Variants in GGACT observed in about 807,000 individuals in gnomAD.
GGACT encodes gamma-glutamylaminecyclotransferase.
For synonymous variants in GGACT, 118 were observed against 115.3 expected, an observed-to-expected ratio of 1.02 and a Z score of -0.15; for missense variants, 241 against 233.2, an observed-to-expected ratio of 1.03 and a Z score of -0.22.
At chr13:100,575,195 A>G (rs1187772446) in intron 2 of GGACT, among the ~76,000 whole-genome samples, 1 of 152,164 alleles carries the variant, frequency 6.6e-6, no homozygotes, top group East Asian at 1.9e-4. Context: ...ACTACCACCA[A>G]CTGAGAGCCT....
chr13:100,576,740 T>C (rs1262738098), intron 2 of GGACT, among the ~76,000 whole-genome samples: 1 of 152,110 alleles, frequency 6.6e-6, no homozygotes, highest in African/African-American at 2.4e-5. Flanking sequence ...ATCAAAGCTG[T>C]CAGGGTTTGA....
chr13:100,540,619 T>C (rs1475603513), intron 2 of GGACT, among the ~76,000 whole-genome samples: 1 of 152,256 alleles, frequency 6.6e-6, no homozygotes, highest in Non-Finnish European at 1.5e-5. Flanking sequence ...TCTCTTTTTG[T>C]TTATCTCTGC....
intron 2 of GGACT, chr13:100,539,850 T>G: frequency 1.4e-6 from 1 of 717,244 alleles, no homozygotes; most frequent in Non-Finnish European, 2.3e-6. Context: ...AATTTCCATT[T>G]TATTTTTCTC....
intron 2 of GGACT, among the ~76,000 whole-genome samples, chr13:100,535,006 A>C (rs1335532860): frequency 6.6e-6 from 1 of 152,024 alleles, no homozygotes; most frequent in Non-Finnish European, 1.5e-5. Context: ...TCTCTAAATC[A>C]CTGGTCTTGT....
rs150442448 is a variant in GGACT, at chr13:100,530,597, C to CTGAT, written c.*1529_*1532dup. 0.015 allele frequency: 4,495 copies of CTGAT among 294,768 alleles called. 198 individuals are homozygous for CTGAT. The highest frequency in any genetic ancestry group is 0.092 in the African/African-American group (4,154 of 45,060). The allele number at this position is 294,768 out of a possible 1,614,324, so 18.3% of individuals were successfully genotyped here. A position where few individuals can be genotyped will look rare whatever the true frequency, so the allele number is the denominator to read the frequency against. ...AAATTAGCACTTGCCATTTTTTCATCTGATTGCCTTACTACTTCTAGAAGT... is the reference window on the plus strand; with the variant it reads ...AAATTAGCACTTGCCATTTTTTCATCTGATTGATTGCCTTACTACTTCTAGAAGT... On this transcript the variant is annotated 3_prime_UTR_variant, in exon 3 of 3. Transcript: ENST00000683975.
chr13:100,588,401 G>A (rs1004001451), intron 1 of GGACT, among the ~76,000 whole-genome samples: 3 of 152,232 alleles, frequency 2.0e-5, no homozygotes, highest in African/African-American at 7.2e-5. Context: ...GAAAGCCAGC[G>A]TGTGGGCTGT....
chr13:100,573,050 T>C (rs905395742), intron 2 of GGACT, among the ~76,000 whole-genome samples: 1 of 152,134 alleles, frequency 6.6e-6, no homozygotes, highest in African/African-American at 2.4e-5. Context: ...GAATATGAAA[T>C]CTACACTTCA....
intron 2 of GGACT, among the ~76,000 whole-genome samples, chr13:100,568,786 A>G (rs1256863535): frequency 6.6e-6 from 1 of 152,244 alleles, no homozygotes; most frequent in Non-Finnish European, 1.5e-5. Flanking sequence ...CCATGAGCCC[A>G]CAAAATCAAA....
chr13:100,553,801 G>A lies in GGACT; in HGVS notation c.-10-21200C>T, dbSNP rs563056321. Reference sequence around the variant, plus strand: ...AGAGGTTGCAGTGAGCCAAGATCGCGCCACTGCACTCCAGCGGGGGTGACG... The same window carrying A: ...AGAGGTTGCAGTGAGCCAAGATCGCACCACTGCACTCCAGCGGGGGTGACG... On this transcript the variant is annotated intron_variant, in intron 2 of 2. Coordinates refer to ENST00000683975, the MANE Select transcript of GGACT (RefSeq NM_001195087.2). Among the ~76,000 whole-genome samples the A allele has an allele frequency of 1.5e-4, 21 of 141,012 alleles. No individual in the cohort carries two copies. In the South Asian group the frequency reaches 2.5e-3, roughly 17 times the overall value. The allele number at this position is 141,012 out of a possible 152,430, so 92.5% of individuals were successfully genotyped here.
intron 2 of GGACT, among the ~76,000 whole-genome samples, chr13:100,574,462 G>C (rs998657358): frequency 5.3e-5 from 8 of 152,156 alleles, no homozygotes; most frequent in African/African-American, 1.9e-4. Context: ...TGTAGTTCTA[G>C]CTACTCAAGA....
intron 1 of GGACT, among the ~76,000 whole-genome samples, chr13:100,584,441 T>G (rs1411598645): frequency 6.6e-6 from 1 of 151,830 alleles, no homozygotes; most frequent in Non-Finnish European, 1.5e-5. Context: ...TTGAACTGAC[T>G]GAGATAGAGA....
At chr13:100,550,299 T>TACACACACACACACAC (rs755235689) in intron 2 of GGACT, among the ~76,000 whole-genome samples, 1 of 27,268 alleles carries the variant, frequency 3.7e-5, no homozygotes, top group East Asian at 1.6e-3. Flanking sequence ...GATTATACTC[T>TACACACACACACACAC]ACACACACAC....
chr13:100,559,142 C>CA (rs1018169320), intron 2 of GGACT, among the ~76,000 whole-genome samples: 1 of 151,974 alleles, frequency 6.6e-6, no homozygotes, highest in Non-Finnish European at 1.5e-5. Context: ...CACAACATCC[C>CA]AAAAAACCAC....
chr13:100,543,265 TG>T (rs2088571975), intron 2 of GGACT, among the ~76,000 whole-genome samples: 2 of 130,544 alleles, frequency 1.5e-5, no homozygotes, highest in East Asian at 5.3e-4. Context: ...TGGAGTGCAG[TG>T]GCGCGATCTC....
chr13:100,541,307 T>G (rs2088552336), intron 2 of GGACT, among the ~76,000 whole-genome samples: 2 of 151,122 alleles, frequency 1.3e-5, no homozygotes, highest in South Asian at 4.1e-4. Context: ...CAATCCACTG[T>G]GCCATAACAG....
intron 2 of GGACT, among the ~76,000 whole-genome samples, chr13:100,575,706 G>C (rs1875228870): frequency 1.3e-5 from 2 of 152,188 alleles, no homozygotes. Flanking sequence ...CGAGGCTGCT[G>C]TGAGCTGTGA....
At chr13:100,585,820 A>C (rs12560566) in intron 1 of GGACT, among the ~76,000 whole-genome samples, 3 of 76,468 alleles carry the variant, frequency 3.9e-5, no homozygotes, top group African/African-American at 1.6e-4. Context: ...ACCTGTCTCC[A>C]CCAAAAAAAA....
At chr13:100,535,580 T>C (rs1443409426) in intron 2 of GGACT, among the ~76,000 whole-genome samples, 1 of 152,202 alleles carries the variant, frequency 6.6e-6, no homozygotes, top group Non-Finnish European at 1.5e-5. Flanking sequence ...CGTGTGCCGC[T>C]GCTGTCATCA....
At position 100,532,379 on chromosome 13, in the gene GGACT, G is replaced by A. The variant is rs1020427697; in HGVS notation, c.213C>T (p.Asp71=). ...RLVEGEVYAV[D]ERMLRFLDDF... is the part of the protein sequence containing the mutation. ...CATCCAGAAAGCGCAGCATCCGCTC[G>A]TCTACCGCGTAGACCTCGCCCTCCA... Residue 71 remains aspartate (D), a synonymous_variant, in exon 3 of 3, where the codon GAC becomes GAT. Transcript: ENST00000683975. The A allele has an allele frequency of 3.2e-6, 5 of 1,550,386 alleles. No homozygotes were observed. The African/African-American group carries it at 4.1e-5, about 13-fold the overall frequency.
Sources: allele counts gnomAD v4.1 joint callset (sites outside exome capture counted in the v4.1 genomes callset), GRCh38; gene constraint gnomAD v4.1.1; transcripts MANE v1.5; gene names NCBI Gene and HGNC (gene_info 2026-07-23, HGNC 2026-07-21).